Variants in ST7 observed in about 807,000 individuals in gnomAD.
The protein encoded by ST7 is suppressor of tumorigenicity 7 protein.
In ST7, 28 loss-of-function variants were observed where a neutral mutation model predicts 78.7. The ratio of observed to expected loss-of-function variants is 0.36; its 90% CI spans 0.26 to 0.49. The LOEUF is 0.49. ST7 is among the 20% of genes least tolerant of loss of function. The pLI, the probability that ST7 is intolerant of heterozygous loss-of-function variation, is 0.99. For missense variants in ST7, 418 were observed against 696.0 expected (o/e 0.60, Z 4.49); for synonymous variants, 247 against 249.6 (o/e 0.99, Z 0.10).
rs184107524 is a variant in ST7, at chr7:117,200,742, C to T, written c.1255-9045C>T. Among the ~76,000 whole-genome samples, 361 of 150,114 alleles carry T rather than the reference C, an allele frequency of 2.4e-3. 3 individuals carry two copies. Among genetic ancestry groups the T allele is most frequent in the African/African-American group, 8.4e-3 (343 of 40,726 alleles). On this transcript the variant is annotated intron_variant, in intron 12 of 15. Coordinates refer to ENST00000323984, the MANE Select transcript of ST7 (RefSeq NM_001369598.1). ...CTTTCAAATTATAAGTCTGGGAGTG[C>T]GGGAAGTCAAGAGAAAATAGAGAGG...
intron 1 of ST7, among the ~76,000 whole-genome samples, chr7:117,058,316 A>G (rs1342246075): frequency 6.6e-6 from 1 of 152,216 alleles, no homozygotes; most frequent in Admixed American, 6.5e-5. Context: ...CCAGTGAAAT[A>G]TAAACATGAT....
chr7:117,187,728 G>T (rs778718109), intron 10 of ST7: 16 of 152,136 alleles, frequency 1.1e-4, no homozygotes, highest in Non-Finnish European at 1.8e-4. Context: ...AAATAGTTAT[G>T]ATCATTGTTT....
intron 12 of ST7, among the ~76,000 whole-genome samples, chr7:117,199,349 C>A (rs1300359576): frequency 6.6e-6 from 1 of 152,200 alleles, no homozygotes; most frequent in African/African-American, 2.4e-5. Context: ...CACCCTCTGT[C>A]TTGGTGCCTA....
chr7:117,216,097 T>C (rs919110346), intron 13 of ST7, among the ~76,000 whole-genome samples: 2 of 152,124 alleles, frequency 1.3e-5, no homozygotes, highest in Admixed American at 6.6e-5. Flanking sequence ...CCAGTATCAA[T>C]TGAGAATCTC....
intron 12 of ST7, among the ~76,000 whole-genome samples, chr7:117,203,213 C>T (rs1811042406): frequency 1.3e-5 from 2 of 152,228 alleles, no homozygotes; most frequent in African/African-American, 4.8e-5. Context: ...ACTTTTTCTA[C>T]TTCACTCCTT....
chr7:117,061,457 C>G (rs912281197), intron 1 of ST7, among the ~76,000 whole-genome samples: 1 of 152,026 alleles, frequency 6.6e-6, no homozygotes, highest in African/African-American at 2.4e-5. Context: ...ATTTATGATG[C>G]TTTTTACAAG....
At chr7:117,045,385 C>G (rs984582858) in intron 1 of ST7, among the ~76,000 whole-genome samples, 10 of 152,108 alleles carry the variant, frequency 6.6e-5, no homozygotes, top group African/African-American at 2.2e-4. Flanking sequence ...CCTGCCTGCT[C>G]TCCTTGGATA....
intron 1 of ST7, among the ~76,000 whole-genome samples, chr7:117,093,441 C>A (rs1800781517): frequency 6.6e-6 from 1 of 152,174 alleles, no homozygotes; most frequent in African/African-American, 2.4e-5. Context: ...GTGGCTCACA[C>A]CTGTAATGCC....
chr7:116,955,388 T>C (rs1000038439), intron 1 of ST7, among the ~76,000 whole-genome samples: 5 of 152,190 alleles, frequency 3.3e-5, no homozygotes, highest in East Asian at 1.9e-4. Context: ...TCCTTCTTGC[T>C]GTCATCCCTT....
chr7:116,989,834 C>G (rs1015594156), intron 1 of ST7, among the ~76,000 whole-genome samples: 3 of 152,026 alleles, frequency 2.0e-5, no homozygotes, highest in African/African-American at 7.3e-5. Context: ...GTGATACCCT[C>G]TCTCCAAAAA....
chr7:116,967,484 C>G (rs756631343), intron 1 of ST7: 18 of 454,528 alleles, frequency 4.0e-5, no homozygotes, highest in Non-Finnish European at 7.9e-5. Context: ...GTCTACAGCT[C>G]TAGCGGGTCC....
intron 1 of ST7, among the ~76,000 whole-genome samples, chr7:117,081,679 T>C (rs1047286455): frequency 1.3e-5 from 2 of 152,222 alleles, no homozygotes; most frequent in African/African-American, 4.8e-5. Flanking sequence ...GAATGAGGAA[T>C]TCAGATATAA....
chr7:117,119,596 T>G lies in ST7; in HGVS notation c.270T>G (p.Thr90=), dbSNP rs368082187. Residue 90 remains threonine (T), a synonymous_variant, in exon 3 of 16, where the codon ACT becomes ACG. Transcript: ENST00000323984. ...GGTGGTATTTTCGCAAATACGGAACTTCATTCATTGAACAAGTCTCAGTAA... is the reference window on the plus strand; with the variant it reads ...GGTGGTATTTTCGCAAATACGGAACGTCATTCATTGAACAAGTCTCAGTAA... ...FEWWYFRKYG[T]SFIEQVSVSH... The G allele has an allele frequency of 1.9e-6, 3 of 1,612,822 alleles. No homozygotes were observed. The highest frequency in any genetic ancestry group is 1.7e-6 in the Non-Finnish European group (2 of 1,179,798).
chr7:117,115,320 A>G (rs988361036), intron 2 of ST7, among the ~76,000 whole-genome samples: 6 of 146,712 alleles, frequency 4.1e-5, no homozygotes, highest in African/African-American at 1.3e-4. Flanking sequence ...CTTTCTTCCT[A>G]TCTTAGAGCA....
chr7:117,081,616 T>C lies in ST7; in HGVS notation c.152-18146T>C, dbSNP rs530995404. 2.6e-5 allele frequency among the ~76,000 whole-genome samples: 4 copies of C among 152,308 alleles called. 1 individual carries two copies. The South Asian group carries it at 8.3e-4, about 32-fold the overall frequency. On this transcript the variant is annotated intron_variant, in intron 1 of 15. Coordinates refer to ENST00000323984, the MANE Select transcript of ST7 (RefSeq NM_001369598.1). ...CTGAAATGAAACCAGTACTCTAAAG[T>C]AGTTTTTGTTTAACATGATTTGATT...
At chr7:117,043,776 T>G (rs1797351030) in intron 1 of ST7, among the ~76,000 whole-genome samples, 1 of 152,372 alleles carries the variant, frequency 6.6e-6, no homozygotes, top group South Asian at 2.1e-4. Context: ...TATCAATTTT[T>G]AAGTCCAAAC....
At chr7:117,057,029 C>T (rs931184071) in intron 1 of ST7, among the ~76,000 whole-genome samples, 1 of 152,110 alleles carries the variant, frequency 6.6e-6, no homozygotes, top group African/African-American at 2.4e-5. Flanking sequence ...ATCTGAGATA[C>T]AGTCGGTGGT....
At chr7:116,991,882 C>A (rs1021448571) in intron 1 of ST7, among the ~76,000 whole-genome samples, 2 of 152,148 alleles carry the variant, frequency 1.3e-5, no homozygotes, top group Admixed American at 1.3e-4. Flanking sequence ...ACAGCCATTC[C>A]AATGGGAGAA....
Position 117,189,391 on chromosome 7 carries a change from C to A in ST7, c.1149C>A (p.Asp383Glu). 3.1e-6 allele frequency: 5 copies of A among 1,601,126 alleles called. No individual in the cohort carries two copies. Among genetic ancestry groups the A allele is most frequent in the Non-Finnish European group, 4.3e-6 (5 of 1,172,934 alleles). ...AALLKARAVS[D>E]KFSPEAASRR... ...TGCTCAAAGCAAGAGCTGTCTCTGA[C>A]AAGTAAGTGAATAATAGTTTGCGCG... is the stretch of plus-strand genomic sequence containing the variant. Residue 383 changes from aspartate to glutamate, a missense_variant and splice_region_variant, in exon 11 of 16, where the codon GAC becomes GAA. Transcript: ENST00000323984.
Sources: gnomAD v4.1 joint callset for allele counts (sites outside exome capture counted in the v4.1 genomes callset) on GRCh38, gnomAD v4.1.1 for gene constraint, MANE v1.5 for transcripts, NCBI Gene and HGNC (gene_info 2026-07-23, HGNC 2026-07-21) for gene names.